Variants in HEATR5B observed in about 807,000 individuals in gnomAD.
The protein encoded by HEATR5B is HEAT repeat-containing protein 5B.
A neutral mutation model predicts 224.1 loss-of-function variants in HEATR5B; 156 were observed. The observed-to-expected ratio is 0.70, with a 90% confidence interval of 0.61 to 0.80. HEATR5B has a LOEUF of 0.80. HEATR5B is among the 30% of genes least tolerant of loss of function. The probability of loss-of-function intolerance (pLI) is 0.00; values close to 1 mark genes in which losing one functional copy is unlikely to be tolerated. For missense variants in HEATR5B, 2,323 were observed against 2,535.5 expected, an observed-to-expected ratio of 0.92 and a Z score of 1.80; for synonymous variants, 1,027 against 893.0, an observed-to-expected ratio of 1.15 and a Z score of -2.68.
Position 37,079,259 on chromosome 2 carries a change from G to A in HEATR5B, c.199C>T (p.Pro67Ser), listed in dbSNP as rs944849246. The A allele has an allele frequency of 1.9e-6, 3 of 1,612,486 alleles. No homozygotes were observed. The highest frequency in any genetic ancestry group is 1.3e-5 in the African/African-American group (1 of 74,864). ...TTTTTAGCTAATAATTTTCGTGTAG[G>A]TGGTCCAGGTGAACTACTTATTAAT... ...TGLISSSPGP[P>S]TRKLLAKNLA... Residue 67 changes from proline to serine, a missense_variant, in exon 3 of 36, where the codon CCT becomes TCT. Physicochemically the swap from Pro to Ser is moderately conservative, Grantham distance 74. This residue lies in a region of HEATR5B where 292 missense variants were observed against 332.6 expected (regional missense o/e 0.88). Transcript: ENST00000233099.
At chr2:37,077,074 CT>C in intron 3 of HEATR5B, 55 bp from the exon 4 acceptor site, 1 of 1,387,592 alleles carries the variant, frequency 7.2e-7, no homozygotes, top group Non-Finnish European at 1.0e-6. Context: ...TACAATTATA[CT>C]TTTCTCATTT....
chr2:37,058,630 T>C lies in HEATR5B; in HGVS notation c.1950-70A>G, dbSNP rs1671060931. 8.3e-5 allele frequency: 85 copies of C among 1,029,772 alleles called. No homozygotes were observed. The South Asian group carries it at 1.1e-3, about 13-fold the overall frequency. 63.8% of individuals were successfully genotyped at this position (1,029,772 alleles called of 1,614,324 possible). A position where few individuals can be genotyped will look rare whatever the true frequency, so the allele number is the denominator to read the frequency against. On this transcript the variant is annotated intron_variant, in intron 13 of 35. Transcript: ENST00000233099. ...TATTACTTATAAATTTTTTTAGCAATGTATCAATGTACTGCCAAACTACAC... is the reference window on the plus strand; with the variant it reads ...TATTACTTATAAATTTTTTTAGCAACGTATCAATGTACTGCCAAACTACAC...
At chr2:37,064,081 T>C (rs1671444706) in intron 10 of HEATR5B, among the ~76,000 whole-genome samples, 1 of 152,184 alleles carries the variant, frequency 6.6e-6, no homozygotes, top group African/African-American at 2.4e-5. Context: ...CTCAAAGTGC[T>C]GGGATTACAG....
At chr2:37,047,616 T>C (rs1359500404) in intron 18 of HEATR5B, among the ~76,000 whole-genome samples, 3 of 152,228 alleles carry the variant, frequency 2.0e-5, no homozygotes, top group Admixed American at 1.3e-4. Flanking sequence ...TCTTAAGCAA[T>C]TGAAGGTACT....
At chr2:37,077,085 T>G in intron 3 of HEATR5B, 66 bp from the exon 4 acceptor site, 1 of 1,344,420 alleles carries the variant, frequency 7.4e-7, no homozygotes, top group East Asian at 2.3e-5. Context: ...TTTTCTCATT[T>G]TTAGAAATCA....
rs762821870 is a variant in HEATR5B, at chr2:37,056,655, T to C, written c.2224-40A>G. On this transcript the variant is annotated intron_variant, in intron 15 of 35. Transcript: ENST00000233099. ...AATAAAAATTATTCAAAATCTACTT[T>C]AGGAAATCTACTTATTAAACATTGG... 2.6e-6 allele frequency: 4 copies of C among 1,518,024 alleles called. No homozygotes were observed. The African/African-American group carries it at 4.2e-5, about 16-fold the overall frequency. The allele number at this position is 1,518,024 out of a possible 1,614,324, so 94.0% of individuals were successfully genotyped here.
intron 6 of HEATR5B, among the ~76,000 whole-genome samples, chr2:37,071,062 T>C (rs1671874823): frequency 6.6e-6 from 1 of 152,200 alleles, no homozygotes; most frequent in African/African-American, 2.4e-5. Flanking sequence ...ACAAGGGCTT[T>C]TATGAGGATT....
chr2:37,059,499 TGTCAA>T (rs781102315), intron 12 of HEATR5B, among the ~76,000 whole-genome samples: 2 of 136,190 alleles, frequency 1.5e-5, no homozygotes, highest in East Asian at 2.3e-4. Context: ...AGTCTCACTC[TGTCAA>T]CCAGGCTGGA....
At chr2:37,013,196 G>C (rs921778999) in intron 27 of HEATR5B, among the ~76,000 whole-genome samples, 3 of 152,274 alleles carry the variant, frequency 2.0e-5, no homozygotes, top group South Asian at 2.1e-4. Flanking sequence ...GTTACCTGTT[G>C]CTGAATACCA....
intron 8 of HEATR5B, among the ~76,000 whole-genome samples, chr2:37,066,769 A>G (rs1037662003): frequency 6.6e-6 from 1 of 152,212 alleles, no homozygotes; most frequent in Non-Finnish European, 1.5e-5. Context: ...AGAACCTTTA[A>G]ATGATAGTAA....
In HEATR5B at chr2:36,990,683, T is replaced by C. The variant is rs1666268166; in HGVS notation, c.5662A>G (p.Arg1888Gly). ...VQSLQNGCMNRFKNALNSCDP... is the reference protein window; with the variant it reads ...VQSLQNGCMNGFKNALNSCDP... ...CATGAATTTAATGCATTTTTAAATC[T>C]GTTCATGCAGCCATTCTGTAATGAC... is the stretch of plus-strand genomic sequence containing the variant. The change falls in exon 34 of 36, where the codon AGA (arginine) becomes GGA (glycine). Residue 1888 changes from arginine (R) to glycine (G), a missense_variant. By Grantham distance (125) the Arg-to-Gly change is moderately radical. Transcript: ENST00000233099. 6.2e-7 allele frequency: 1 copy of C among 1,604,114 alleles called. No individual in the cohort carries two copies. The highest frequency in any genetic ancestry group is 8.5e-7 in the Non-Finnish European group (1 of 1,175,266).
intron 26 of HEATR5B, among the ~76,000 whole-genome samples, chr2:37,014,351 A>G (rs1475071836): frequency 2.0e-5 from 3 of 151,644 alleles, no homozygotes; most frequent in Non-Finnish European, 1.5e-5. Flanking sequence ...TTTAGTAGAG[A>G]CGGGGTTTCA....
In HEATR5B at chr2:37,049,949, G is replaced by A. The variant is rs950666393; in HGVS notation, c.2506-106C>T. 24 of 1,102,908 alleles carry A rather than the reference G, an allele frequency of 2.2e-5. No individual in the cohort carries two copies. The African/African-American group carries it at 3.5e-4, about 16-fold the overall frequency. 68.3% of individuals were successfully genotyped at this position (1,102,908 alleles called of 1,614,324 possible). ...TCCCTTGCCCAGGCTGGAGTGCAAT[G>A]GCACAATCACTGCTCACTACAGCCT... On this transcript the variant is annotated intron_variant, in intron 17 of 35. Transcript: ENST00000233099.
At chr2:37,067,532 G>T (rs2148578498) in intron 8 of HEATR5B, among the ~76,000 whole-genome samples, 1 of 152,262 alleles carries the variant, frequency 6.6e-6, no homozygotes, top group Non-Finnish European at 1.5e-5. Flanking sequence ...ACTCTGGGAG[G>T]CCAAGGCAGG....
In HEATR5B at chr2:37,037,854, C is replaced by T; in HGVS notation, c.3216+1G>A. The T allele has an allele frequency of 6.6e-7, 1 of 1,517,788 alleles. No homozygotes were observed. Among genetic ancestry groups the T allele is most frequent in the South Asian group, 1.3e-5 (1 of 74,668 alleles). 94.0% of individuals were successfully genotyped at this position (1,517,788 alleles called of 1,614,324 possible). ...AATGAATGAAATAGCTCTATACTTACACAAAGGCTAGGAACAAGGCTAGAT... is the reference window on the plus strand; with the variant it reads ...AATGAATGAAATAGCTCTATACTTATACAAAGGCTAGGAACAAGGCTAGAT... On this transcript the variant is annotated splice_donor_variant, in intron 21 of 35. Coordinates refer to ENST00000233099, the MANE Select transcript of HEATR5B (RefSeq NM_019024.3). LOFTEE classifies it high-confidence loss of function.
chr2:37,008,253 G>C, intron 28 of HEATR5B: 1 of 192,124 alleles, frequency 5.2e-6, no homozygotes, highest in Non-Finnish European at 1.1e-5. Flanking sequence ...TAATTTATTG[G>C]CACACTAGGA....
intron 2 of HEATR5B, among the ~76,000 whole-genome samples, chr2:37,080,358 G>A (rs1441627661): frequency 1.3e-5 from 2 of 152,038 alleles, no homozygotes; most frequent in African/African-American, 2.4e-5. Flanking sequence ...TACTCTATAT[G>A]GTCCATAAAT....
intron 22 of HEATR5B, among the ~76,000 whole-genome samples, 193 bp from the exon 23 acceptor site, chr2:37,029,113 C>T (rs1263907614): frequency 6.6e-6 from 1 of 152,050 alleles, no homozygotes; most frequent in East Asian, 1.9e-4. Flanking sequence ...TAGAGTAATA[C>T]CTCGAACTGT....
chr2:37,054,549 A>G (rs574141882), intron 16 of HEATR5B, among the ~76,000 whole-genome samples: 10 of 144,930 alleles, frequency 6.9e-5, no homozygotes, highest in African/African-American at 2.3e-4. Flanking sequence ...CAATGGTGCA[A>G]TCTTGCCTCC....
Sources: allele counts gnomAD v4.1 joint callset (sites outside exome capture counted in the v4.1 genomes callset), GRCh38; gene constraint gnomAD v4.1.1; regional missense constraint gnomAD v4.1.1; transcripts MANE v1.5; gene names NCBI Gene and HGNC (gene_info 2026-07-23, HGNC 2026-07-21).